KCNN1: variants seen among roughly 807,000 people sequenced by gnomAD.
KCNN1 encodes the protein small conductance calcium-activated potassium channel protein 1.
In KCNN1, 20 loss-of-function variants were observed where a neutral mutation model predicts 44.7. The ratio of observed to expected loss-of-function variants is 0.45; its 90% CI spans 0.32 to 0.65. KCNN1 has a LOEUF of 0.65. KCNN1 is among the 30% of genes least tolerant of loss of function. KCNN1 has a pLI of 0.05. For synonymous variants in KCNN1, 324 were observed against 341.7 expected, an observed-to-expected ratio of 0.95 and a Z score of 0.57; for missense variants, 632 against 785.3, an observed-to-expected ratio of 0.80 and a Z score of 2.33.
rs1434883226 is a variant in KCNN1, at chr19:17,974,199, A to G, written c.311A>G (p.Lys104Arg). ...CGGCGGGCGCTCTTCGAGAAGCGGAAGCGCCTCAGCGACTATGCCCTCATT... is the reference window on the plus strand; with the variant it reads ...CGGCGGGCGCTCTTCGAGAAGCGGAGGCGCCTCAGCGACTATGCCCTCATT... ...GHRRALFEKR[K>R]RLSDYALIFG... is the part of the protein sequence containing the mutation. The change falls in exon 2 of 10, where the codon AAG becomes AGG. Residue 104 changes from lysine to arginine, a missense_variant. By Grantham distance (26) the Lys-to-Arg change is conservative. Transcript: ENST00000684775. The surrounding 1 kb of genome is among the most constrained non-coding windows in gnomAD (Gnocchi z 7.3). The G allele has an allele frequency of 6.2e-7, 1 of 1,613,168 alleles. No individual in the cohort carries two copies. Among genetic ancestry groups the G allele is most frequent in the South Asian group, 1.1e-5 (1 of 91,064 alleles).
At chr19:17,966,023 G>GCCTTCCTTCCTT (rs762937340), upstream of KCNN1, among the ~76,000 whole-genome samples, 37 of 119,704 alleles carry the variant, frequency 3.1e-4, no homozygotes, top group East Asian at 1.5e-3. Flanking sequence ...CTGCCTGCCT[G>GCCTTCCTTCCTT]CCTTCCTTCC....
intron 1 of KCNN1, among the ~76,000 whole-genome samples, chr19:17,970,289 ATTTTTTTTTTTTTTTTTTTTTTTT>A (rs71164333): frequency 7.7e-4 from 44 of 56,926 alleles, no homozygotes; most frequent in Admixed American, 1.4e-3. Context: ...AGAAGGAATG[ATTTTTTTTTTTTTTTTTTTTTTTT>A]TTTTTTTTTT....
chr19:17,963,316 T>G (rs539560558), upstream of KCNN1, among the ~76,000 whole-genome samples: 1 of 92,876 alleles, frequency 1.1e-5, no homozygotes, highest in Admixed American at 1.1e-4. Flanking sequence ...CCCGGCCACC[T>G]TTTTTTTTTT....
rs137918530 is a variant in KCNN1 at position 17,973,476 on chromosome 19, T to G, written c.-81-332T>G. Among the ~76,000 whole-genome samples, 5 of 152,314 alleles carry G rather than the reference T, an allele frequency of 3.3e-5. No homozygotes were observed. In the East Asian group the frequency reaches 9.7e-4, roughly 29 times the overall value. On this transcript the variant is annotated intron_variant, in intron 1 of 9. Transcript: ENST00000684775. ...TTGTATTTTTAGTAGAGACTGGTTT[T>G]CGCCATGTTGGCCAGGCCAGTTTCG...
At position 17,993,484 on chromosome 19, in the gene KCNN1, C is replaced by T; in HGVS notation, c.1308-6C>T. On this transcript the variant is annotated splice_region_variant and splice_polypyrimidine_tract_variant and intron_variant, in intron 8 of 9. Coordinates refer to ENST00000684775, the MANE Select transcript of KCNN1 (RefSeq NM_001386974.1). The surrounding 1 kb of genome is among the most constrained non-coding windows in gnomAD (Gnocchi z 4.5). ...AACCCCCTCCCCCAACCCCGTGTCC[C>T]CACAGGCTCCGGAGTGTGAAGATCG... 3 of 1,612,942 alleles carry T rather than the reference C, an allele frequency of 1.9e-6. No homozygotes were observed. Among genetic ancestry groups the T allele is most frequent in the South Asian group, 1.1e-5 (1 of 90,950 alleles).
At chr19:17,965,062 C>T (rs898693924), upstream of KCNN1, among the ~76,000 whole-genome samples, 5 of 151,908 alleles carry the variant, frequency 3.3e-5, no homozygotes, top group African/African-American at 7.2e-5. Context: ...GTTAGGAGTT[C>T]GAGACCAGCC....
Position 17,983,245 on chromosome 19 carries a change from G to A in KCNN1, c.917+1118G>A, listed in dbSNP as rs1028123162. Among the ~76,000 whole-genome samples the A allele has an allele frequency of 1.3e-5, 2 of 152,078 alleles. No homozygotes were observed. ...GCTCCGCCAGGCCTGGGGTGTGAGG[G>A]TGCCTTATCTGGGAGAGGGTCTCCC... On this transcript the variant is annotated intron_variant, in intron 4 of 9. Coordinates refer to ENST00000684775, the MANE Select transcript of KCNN1 (RefSeq NM_001386974.1). This position sits in a 1 kb window ranked among gnomAD's most constrained non-coding sequence, Gnocchi z 4.5.
rs139065240 is a variant in KCNN1, at chr19:17,986,070, A to G, written c.1059+617A>G. Among the ~76,000 whole-genome samples, 352 of 152,138 alleles carry G rather than the reference A, an allele frequency of 2.3e-3. 1 individual carries two copies. The highest frequency in any genetic ancestry group is 7.9e-3 in the African/African-American group (329 of 41,488). ...AACATGGAGAAACCCTGTCTCTACT[A>G]AAAATACAAAAATAGCCGGGAGTGG... On this transcript the variant is annotated intron_variant, in intron 5 of 9. Coordinates refer to ENST00000684775, the MANE Select transcript of KCNN1 (RefSeq NM_001386974.1).
chr19:17,969,051 CCA>C (rs2031919749), intron 1 of KCNN1, among the ~76,000 whole-genome samples: 1 of 152,082 alleles, frequency 6.6e-6, no homozygotes, highest in East Asian at 1.9e-4. Context: ...TCATGGGCAT[CCA>C]AACCTTGGCT....
At chr19:17,967,400 G>A (rs1025015097) in intron 1 of KCNN1, 83 bp downstream of exon 1, 3 of 790,882 alleles carry the variant, frequency 3.8e-6, no homozygotes, top group African/African-American at 3.7e-5. Flanking sequence ...CGTCTCGGAG[G>A]GGGACGCGGT....
At position 17,993,649 on chromosome 19, in the gene KCNN1, C is replaced by G; in HGVS notation, c.1377+90C>G. The G allele has an allele frequency of 9.5e-7, 1 of 1,049,328 alleles. No individual in the cohort carries two copies. The highest frequency in any genetic ancestry group is 1.5e-6 in the Non-Finnish European group (1 of 674,500). The allele number at this position is 1,049,328 out of a possible 1,614,324, so 65.0% of individuals were successfully genotyped here. A position where few individuals can be genotyped will look rare whatever the true frequency, so the allele number is the denominator to read the frequency against. The stretch of plus-strand genomic sequence containing the variant: ...GCTCAGCTCCTGCCGGAGGAGGGCA[C>G]AAGGACCCGCTGTGGGCTGAGTGCA... On this transcript the variant is annotated intron_variant, in intron 9 of 9. Transcript: ENST00000684775. This position sits in a 1 kb window ranked among gnomAD's most constrained non-coding sequence, Gnocchi z 4.5.
chr19:17,978,184 TG>T (rs1321699374), intron 3 of KCNN1, among the ~76,000 whole-genome samples: 1 of 149,706 alleles, frequency 6.7e-6, no homozygotes, highest in Non-Finnish European at 1.5e-5. Context: ...TGGAGTACAG[TG>T]GTGCAATCTC....
intron 2 of KCNN1, among the ~76,000 whole-genome samples, chr19:17,959,306 T>C (rs1411330113): frequency 2.0e-5 from 3 of 152,150 alleles, no homozygotes; most frequent in African/African-American, 2.4e-5. Context: ...TCGCCCAGGC[T>C]GGAATGCAAT....
At chr19:17,951,729 C>T (rs893864239) in intron 1 of KCNN1, among the ~76,000 whole-genome samples, 2 of 152,206 alleles carry the variant, frequency 1.3e-5, no homozygotes, top group Non-Finnish European at 2.9e-5. Context: ...CCTTCCAGCC[C>T]GGTCAACGTC....
At position 17,995,830 on chromosome 19, in the gene KCNN1, C is replaced by T. The variant is rs142467382; in HGVS notation, c.1377+2271C>T. ...CGAACTCCTGACTTCAAGTAATCCA[C>T]CTGCCTTGGCCTCCCAAAGTGCTGG... On this transcript the variant is annotated intron_variant, in intron 9 of 9. Transcript: ENST00000684775. Among the ~76,000 whole-genome samples the T allele has an allele frequency of 2.1e-3, 312 of 152,152 alleles. 3 individuals are homozygous for T. The highest frequency in any genetic ancestry group is 7.2e-3 in the African/African-American group (299 of 41,538).
intron 4 of KCNN1, 78 bp downstream of exon 4, chr19:17,982,205 C>A: frequency 8.2e-7 from 1 of 1,225,348 alleles, no homozygotes; most frequent in Non-Finnish European, 1.1e-6. Flanking sequence ...CATGATTTCA[C>A]CGACCCTGGG....
chr19:17,990,097 T>G (rs1169647730), intron 7 of KCNN1: 1 of 652,064 alleles, frequency 1.5e-6, no homozygotes, highest in South Asian at 1.5e-5. Flanking sequence ...GGATAATTCT[T>G]ACCCTTTAGA....
chr19:17,997,268 A>G (rs1479846922), intron 9 of KCNN1, among the ~76,000 whole-genome samples: 2 of 152,148 alleles, frequency 1.3e-5, no homozygotes, highest in Non-Finnish European at 2.9e-5. Context: ...TCACGACTGA[A>G]CAGGGTCCCC....
intron 2 of KCNN1, among the ~76,000 whole-genome samples, chr19:17,961,587 T>TTTC (rs1491584857): frequency 2.1e-4 from 6 of 28,284 alleles, no homozygotes; most frequent in African/African-American, 4.3e-4. Context: ...TCTTTCTTTC[T>TTTC]TTTTTTTTTT....
Sources: gnomAD v4.1 joint callset for allele counts (sites outside exome capture counted in the v4.1 genomes callset) on GRCh38, gnomAD v4.1.1 for gene constraint, Gnocchi (gnomAD v3.1) non-coding constraint, MANE v1.5 for transcripts, NCBI Gene and HGNC (gene_info 2026-07-23, HGNC 2026-07-21) for gene names.